The following ARID1B variants were observed in gnomAD, a reference collection of about 807,000 sequenced individuals.
The protein encoded by ARID1B is AT-rich interaction domain 1B, also known as AT-rich interactive domain-containing protein 1B.
Under a neutral mutation model 212.3 loss-of-function variants are expected in ARID1B, and 30 were observed. The observed-to-expected ratio is 0.14, with a 90% CI of 0.11 to 0.19. The LOEUF (loss-of-function observed/expected upper bound fraction) is 0.19. ARID1B is among the 10% of genes least tolerant of loss of function. The probability of loss-of-function intolerance (pLI) is 1.00; values close to 1 mark genes in which losing one functional copy is unlikely to be tolerated. For synonymous variants in ARID1B, 1,402 were observed against 1,301.7 expected (o/e 1.08, Z -1.66); for missense variants, 2,891 against 3,204.0 (o/e 0.90, Z 2.36).
chr6:156,779,252 C>A lies in ARID1B; in HGVS notation c.1572C>A (p.Ser524Arg). Reference protein sequence around the residue: ...RSYGGSYPEYSSPSAPPPPPS... With the variant: ...RSYGGSYPEYRSPSAPPPPPS... ...ACGGCGGCAGCTACCCCGAGTACAG[C>A]AGCCCCAGCGCGCCGCCGCCGCCGC... Residue 524 changes from serine (S) to arginine (R), a missense_variant, in exon 1 of 20, where the codon AGC (serine) becomes AGA (arginine). This residue lies in a region of ARID1B where 1,643 missense variants were observed against 1,544.0 expected (regional missense o/e 1.06). Coordinates refer to ENST00000636930, the MANE Select transcript of ARID1B (RefSeq NM_001374828.1). 8.3e-7 allele frequency: 1 copy of A among 1,199,144 alleles called. No individual in the cohort carries two copies. Among genetic ancestry groups the A allele is most frequent in the Non-Finnish European group, 1.0e-6 (1 of 960,918 alleles). The allele number at this position is 1,199,144 out of a possible 1,614,324, so 74.3% of individuals were successfully genotyped here. A position where few individuals can be genotyped will look rare whatever the true frequency, so the allele number is the denominator to read the frequency against.
At chr6:156,913,211 C>G (rs1022896459) in intron 3 of ARID1B, among the ~76,000 whole-genome samples, 1 of 119,356 alleles carries the variant, frequency 8.4e-6, no homozygotes, top group Non-Finnish European at 1.7e-5. Context: ...CAACATTTTT[C>G]TTTTTCTTTT....
rs542431191 is a variant in ARID1B at position 157,128,779 on chromosome 6, G to A, written c.2582-4249G>A. On this transcript the variant is annotated intron_variant, in intron 6 of 19. Transcript: ENST00000636930. ...ATTTATAGAAAAGGAAGTAAAGACA[G>A]CTGTTTAACATGTTCACATTTACTC... Among the ~76,000 whole-genome samples the A allele has an allele frequency of 9.8e-5, 15 of 152,328 alleles. No homozygotes were observed. In the East Asian group the frequency reaches 2.9e-3, roughly 29 times the overall value.
At chr6:156,964,617 A>G (rs1259758659) in intron 4 of ARID1B, among the ~76,000 whole-genome samples, 1 of 152,216 alleles carries the variant, frequency 6.6e-6, no homozygotes, top group African/African-American at 2.4e-5. Context: ...TAAAAGTTGA[A>G]AGTTTGGAAT....
At chr6:156,930,817 T>G (rs1211770278) in intron 3 of ARID1B, among the ~76,000 whole-genome samples, 1 of 152,158 alleles carries the variant, frequency 6.6e-6, no homozygotes, top group Non-Finnish European at 1.5e-5. Flanking sequence ...TATGCTCTAG[T>G]TGTATATAAA....
chr6:156,861,468 A>G (rs1359902333), intron 2 of ARID1B, among the ~76,000 whole-genome samples: 1 of 152,000 alleles, frequency 6.6e-6, no homozygotes, highest in Non-Finnish European at 1.5e-5. Flanking sequence ...AAAATTAGCC[A>G]GGCATGGTGG....
chr6:156,790,801 A>G (rs1336366707), intron 1 of ARID1B, among the ~76,000 whole-genome samples: 4 of 152,220 alleles, frequency 2.6e-5, no homozygotes, highest in African/African-American at 9.7e-5. Context: ...TGTCTATTGT[A>G]TATGGCAAGA....
intron 2 of ARID1B, among the ~76,000 whole-genome samples, chr6:156,884,056 A>G (rs1452194240): frequency 6.6e-6 from 1 of 152,222 alleles, no homozygotes; most frequent in East Asian, 1.9e-4. Context: ...ACTGCTGATT[A>G]TGACTCATTA....
At chr6:157,156,771 G>C (rs144392848) in intron 8 of ARID1B, among the ~76,000 whole-genome samples, 3,506 of 152,232 alleles carry the variant, frequency 0.023, 125 homozygotes, top group African/African-American at 0.078. Context: ...TCTGAGGGGG[G>C]CCTCAGAGAT....
At chr6:156,850,371 G>A (rs1314340281) in intron 2 of ARID1B, among the ~76,000 whole-genome samples, 1 of 152,116 alleles carries the variant, frequency 6.6e-6, no homozygotes, top group Admixed American at 6.6e-5. Context: ...ACATGAAATT[G>A]TGTAAATATT....
intron 3 of ARID1B, among the ~76,000 whole-genome samples, chr6:156,907,457 A>G (rs1477754249): frequency 6.6e-6 from 1 of 152,214 alleles, no homozygotes; most frequent in Non-Finnish European, 1.5e-5. Flanking sequence ...ACATTCTATA[A>G]TAAACATAGC....
chr6:157,020,464 A>C, intron 4 of ARID1B, among the ~76,000 whole-genome samples: 1 of 152,174 alleles, frequency 6.6e-6, no homozygotes, highest in East Asian at 1.9e-4. Flanking sequence ...TATGAAATTA[A>C]TTTTTTTTAA....
chr6:157,161,421 T>TTGTGTGTGTGTG (rs527696446), intron 8 of ARID1B, among the ~76,000 whole-genome samples: 60 of 135,744 alleles, frequency 4.4e-4, no homozygotes, highest in African/African-American at 1.6e-3. Flanking sequence ...TCTGTTTTGA[T>TTGTGTGTGTGTG]TGTGTGTGTG....
intron 4 of ARID1B, among the ~76,000 whole-genome samples, chr6:156,948,497 C>T (rs1292418694): frequency 6.6e-6 from 1 of 152,200 alleles, no homozygotes; most frequent in Non-Finnish European, 1.5e-5. Context: ...ACCTCTGCCG[C>T]CCGCCCAAGT....
intron 8 of ARID1B, among the ~76,000 whole-genome samples, chr6:157,158,577 A>G (rs1224024794): frequency 6.6e-6 from 1 of 152,114 alleles, no homozygotes; most frequent in African/African-American, 2.4e-5. Context: ...ATTGTTACCT[A>G]CTCTGAGTAT....
chr6:156,918,375 A>C (rs889423647), intron 3 of ARID1B, among the ~76,000 whole-genome samples: 2 of 152,242 alleles, frequency 1.3e-5, no homozygotes, highest in Non-Finnish European at 2.9e-5. Context: ...AAAGCCACTG[A>C]AGTGTTCATT....
intron 11 of ARID1B, among the ~76,000 whole-genome samples, chr6:157,180,441 A>G (rs923537237): frequency 6.6e-6 from 1 of 152,038 alleles, no homozygotes; most frequent in African/African-American, 2.4e-5. Context: ...GTGACTGGAA[A>G]TCTACCTTAT....
intron 2 of ARID1B, among the ~76,000 whole-genome samples, chr6:156,835,220 A>ACAGAG (rs1401616451): frequency 2.0e-5 from 3 of 147,010 alleles, no homozygotes; most frequent in Middle Eastern, 3.5e-3. Context: ...AGCCTGGGTG[A>ACAGAG]CAGAGGGAGA....
intron 1 of ARID1B, among the ~76,000 whole-genome samples, chr6:156,812,567 T>A (rs1781625577): frequency 6.6e-6 from 1 of 152,180 alleles, no homozygotes; most frequent in African/African-American, 2.4e-5. Flanking sequence ...CTTATCTTTT[T>A]CATAGTGCCT....
chr6:156,967,035 T>C (rs970295540), intron 4 of ARID1B, among the ~76,000 whole-genome samples: 5 of 152,222 alleles, frequency 3.3e-5, no homozygotes, highest in African/African-American at 1.2e-4. Context: ...TTCTGGCTTT[T>C]TCTTTTAGTA....
Sources: allele counts gnomAD v4.1 joint callset (sites outside exome capture counted in the v4.1 genomes callset), GRCh38; gene constraint gnomAD v4.1.1; regional missense constraint gnomAD v4.1.1; transcripts MANE v1.5; gene names NCBI Gene and HGNC (gene_info 2026-07-23, HGNC 2026-07-21).